The following DNAH11 variants were observed in gnomAD, a reference collection of about 807,000 sequenced individuals.
DNAH11 encodes dynein axonemal heavy chain 11, also known as axonemal beta dynein heavy chain 11.
DNAH11 carries 442 observed loss-of-function variants against 526.0 expected under a neutral mutation model. The ratio of observed to expected loss-of-function variants is 0.84; its 90% confidence interval spans 0.78 to 0.91. DNAH11 has a LOEUF of 0.91. Among genes scored for constraint, DNAH11 ranks in the 40% least tolerant of loss-of-function variants. DNAH11 has a pLI of 0.00. For missense variants in DNAH11, 6,989 were observed against 5,448.7 expected (o/e 1.28, Z -8.90); for synonymous variants, 2,461 against 1,935.9 (o/e 1.27, Z -7.12).
intron 8 of DNAH11, among the ~76,000 whole-genome samples, chr7:21,579,248 T>A (rs892998187): frequency 2.6e-5 from 4 of 152,222 alleles, no homozygotes; most frequent in African/African-American, 9.6e-5. Context: ...TTATAATGAT[T>A]TCTGAACAAT....
chr7:21,866,144 G>A (rs1449957508), intron 70 of DNAH11, among the ~76,000 whole-genome samples: 1 of 152,094 alleles, frequency 6.6e-6, no homozygotes, highest in Non-Finnish European at 1.5e-5. Flanking sequence ...AATTTACCCA[G>A]CTCCTATTCA....
intron 66 of DNAH11, among the ~76,000 whole-genome samples, chr7:21,849,155 G>A (rs1782530675): frequency 6.6e-6 from 1 of 152,226 alleles, no homozygotes; most frequent in East Asian, 1.9e-4. Context: ...AAAGTGCTGG[G>A]ATTACGGGCA....
rs1283999186 is a variant in DNAH11, at chr7:21,687,537, A to G, written c.5924+10A>G. The G allele has an allele frequency of 6.2e-7, 1 of 1,611,914 alleles. No homozygotes were observed. Among genetic ancestry groups the G allele is most frequent in the East Asian group, 2.2e-5 (1 of 44,840 alleles). ...GAAACAGGAAGAAGAGGTGAGTGGCATGCAGGCTATCTCTTGTTACAAATA... is the reference window on the plus strand; with the variant it reads ...GAAACAGGAAGAAGAGGTGAGTGGCGTGCAGGCTATCTCTTGTTACAAATA... On this transcript the variant is annotated intron_variant, in intron 34 of 81. Coordinates refer to ENST00000409508, the MANE Select transcript of DNAH11 (RefSeq NM_001277115.2).
intron 45 of DNAH11, among the ~76,000 whole-genome samples, chr7:21,728,979 C>T (rs1785259837): frequency 2.0e-5 from 3 of 152,358 alleles, no homozygotes; most frequent in African/African-American, 7.2e-5. Flanking sequence ...GGGCAGCAGC[C>T]CTGTCCCTGG....
At chr7:21,846,801 A>G (rs1408280199) in intron 66 of DNAH11, among the ~76,000 whole-genome samples, 1 of 151,800 alleles carries the variant, frequency 6.6e-6, no homozygotes, top group African/African-American at 2.4e-5. Flanking sequence ...TTCTCCCTTA[A>G]CTCTTTTCTT....
intron 20 of DNAH11, among the ~76,000 whole-genome samples, chr7:21,611,557 T>C (rs1224010118): frequency 6.6e-6 from 1 of 152,168 alleles, no homozygotes; most frequent in East Asian, 1.9e-4. Context: ...AATCGATAGA[T>C]TCAGGAAATT....
chr7:21,546,532 A>G (rs550513105), intron 2 of DNAH11, among the ~76,000 whole-genome samples: 2 of 152,200 alleles, frequency 1.3e-5, no homozygotes, highest in Admixed American at 1.3e-4. Context: ...GCAACAGAAG[A>G]TACAAGCCTT....
intron 6 of DNAH11, among the ~76,000 whole-genome samples, chr7:21,565,048 C>G (rs1001043599): frequency 3.9e-5 from 6 of 152,132 alleles, no homozygotes; most frequent in Admixed American, 6.5e-5. Flanking sequence ...TCCAGTGGTT[C>G]TTATTTGGAA....
intron 30 of DNAH11, among the ~76,000 whole-genome samples, chr7:21,663,720 A>G (rs1490693136): frequency 2.0e-5 from 3 of 150,244 alleles, no homozygotes; most frequent in South Asian, 4.2e-4. Flanking sequence ...TTCAATTCAC[A>G]TAATGTCCTC....
intron 65 of DNAH11, among the ~76,000 whole-genome samples, chr7:21,836,681 G>A (rs1270008581): frequency 1.3e-5 from 2 of 152,094 alleles, no homozygotes; most frequent in Non-Finnish European, 2.9e-5. Context: ...ACATTGGTCT[G>A]GACAAAGATT....
At chr7:21,872,344 T>G (rs1783535835) in intron 73 of DNAH11, among the ~76,000 whole-genome samples, 1 of 152,128 alleles carries the variant, frequency 6.6e-6, no homozygotes, top group Admixed American at 6.5e-5. Context: ...CTGAGTGGGC[T>G]TAGATCTTTT....
rs138071460 is a variant in DNAH11 at position 21,554,761 on chromosome 7, G to A, written c.496-4041G>A. Reference sequence around the variant, plus strand: ...ATTCCTAACTTCAGTACTTGTAAGAGGAGCATTTACAAAGCCAGTCTCTCC... The same window carrying A: ...ATTCCTAACTTCAGTACTTGTAAGAAGAGCATTTACAAAGCCAGTCTCTCC... On this transcript the variant is annotated intron_variant, in intron 2 of 81. Coordinates refer to ENST00000409508, the MANE Select transcript of DNAH11 (RefSeq NM_001277115.2). 6.4e-4 allele frequency among the ~76,000 whole-genome samples: 98 copies of A among 152,280 alleles called. 2 individuals carry two copies. In the East Asian group the frequency reaches 0.016, roughly 25 times the overall value.
chr7:21,708,465 G>T (rs1302062324), intron 40 of DNAH11, among the ~76,000 whole-genome samples: 1 of 152,278 alleles, frequency 6.6e-6, no homozygotes, highest in East Asian at 1.9e-4. Context: ...CTACAGCAGC[G>T]TGTAATCTCC....
chr7:21,899,418 G>C lies in DNAH11; in HGVS notation c.13132G>C (p.Gly4378Arg), dbSNP rs374818694. 3 of 1,613,762 alleles carry C rather than the reference G, an allele frequency of 1.9e-6. No homozygotes were observed. Among genetic ancestry groups the C allele is most frequent in the Non-Finnish European group, 2.5e-6 (3 of 1,179,774 alleles). The stretch of plus-strand genomic sequence containing the variant: ...CCTTCCGGCTGTCGTGTGGCTCTCC[G>C]GCTTCTTCAACCCTCAGTCCTTCTT... ...LTLPAVVWLS[G>R]FFNPQSFLTA... Residue 4378 changes from glycine (G) to arginine (R), a missense_variant, in exon 80 of 82, where the codon GGC (glycine) becomes CGC (arginine). By Grantham distance (125) the Gly-to-Arg change is moderately radical (BLOSUM62 -2). Coordinates refer to ENST00000409508, the MANE Select transcript of DNAH11 (RefSeq NM_001277115.2).
chr7:21,824,315 C>G (rs1228009913), intron 65 of DNAH11, among the ~76,000 whole-genome samples: 1 of 152,186 alleles, frequency 6.6e-6, no homozygotes, highest in East Asian at 1.9e-4. Flanking sequence ...GTGCTCCCCT[C>G]CTTGACAATT....
Position 21,655,843 on chromosome 7 carries a change from C to A in DNAH11, c.4956C>A (p.His1652Gln), listed in dbSNP as rs751325912. 6.2e-7 allele frequency: 1 copy of A among 1,612,740 alleles called. No individual in the cohort carries two copies. The highest frequency in any genetic ancestry group is 8.5e-7 in the Non-Finnish European group (1 of 1,179,328). Residue 1652 changes from histidine (H) to glutamine (Q), a missense_variant, in exon 29 of 82, where the codon CAC becomes CAA. Physicochemically the swap from His to Gln is conservative, Grantham distance 24. Coordinates refer to ENST00000409508, the MANE Select transcript of DNAH11 (RefSeq NM_001277115.2). ...TATTCTCATTTTAGGTAACATGTCACCTTGCCAAACTTTTCGACAGCATTG... is the reference window on the plus strand; with the variant it reads ...TATTCTCATTTTAGGTAACATGTCAACTTGCCAAACTTTTCGACAGCATTG... ...KGAQPKQVTC[H>Q]LAKLFDSIAD...
At chr7:21,769,353 C>A (rs1339652412) in intron 55 of DNAH11, among the ~76,000 whole-genome samples, 1 of 151,962 alleles carries the variant, frequency 6.6e-6, no homozygotes, top group Admixed American at 6.6e-5. Context: ...TGGAGCTATC[C>A]CTATAAGTTT....
Position 21,600,066 on chromosome 7 carries a change from A to T in DNAH11, c.2947A>T (p.Met983Leu), listed in dbSNP as rs563145818. Residue 983 changes from methionine (M) to leucine (L), a missense_variant, in exon 15 of 82, where the codon ATG (methionine) becomes TTG (leucine). Transcript: ENST00000409508. The part of the protein sequence containing the change: ...VEEMLCNSFR[M>L]SAQMNRIATH... ...AGAAATGTTATGCAATAGTTTTAGA[A>T]TGTCTGCCCAGATGAACCGAATAGC... is the stretch of plus-strand genomic sequence containing the variant. 13 of 1,598,640 alleles carry T rather than the reference A, an allele frequency of 8.1e-6. No individual in the cohort carries two copies. In the East Asian group the frequency reaches 2.7e-4, roughly 33 times the overall value.
chr7:21,873,945 C>T (rs898702605), intron 74 of DNAH11, among the ~76,000 whole-genome samples: 1 of 151,832 alleles, frequency 6.6e-6, no homozygotes, highest in Non-Finnish European at 1.5e-5. Context: ...TGCATACCAC[C>T]ACGCCCGGCT....
Sources: allele counts gnomAD v4.1 joint callset (sites outside exome capture counted in the v4.1 genomes callset), GRCh38; gene constraint gnomAD v4.1.1; transcripts MANE v1.5; gene names NCBI Gene and HGNC (gene_info 2026-07-23, HGNC 2026-07-21).